Variants in RPS6KA5 observed in about 807,000 individuals in gnomAD.
RPS6KA5 encodes the protein ribosomal protein S6 kinase alpha-5.
RPS6KA5 carries 27 observed loss-of-function variants against 85.5 expected under a neutral mutation model. That is an observed-to-expected ratio of 0.32 (90% CI 0.23 to 0.44). RPS6KA5 has a LOEUF of 0.44. Among genes scored for constraint, RPS6KA5 ranks in the 20% least tolerant of loss-of-function variants. RPS6KA5 has a pLI of 1.00. For synonymous variants in RPS6KA5, 334 were observed against 348.2 expected (o/e 0.96, Z 0.46); for missense variants, 811 against 980.9 (o/e 0.83, Z 2.31).
At chr14:90,907,348 T>C (rs889498546) in intron 7 of RPS6KA5, among the ~76,000 whole-genome samples, 10 of 152,206 alleles carry the variant, frequency 6.6e-5, no homozygotes, top group Non-Finnish European at 1.0e-4. Context: ...TTGTGTGACC[T>C]TGAGATACCT....
At chr14:90,990,341 C>A (rs2040249962) in intron 2 of RPS6KA5, among the ~76,000 whole-genome samples, 1 of 152,114 alleles carries the variant, frequency 6.6e-6, no homozygotes. Flanking sequence ...CCATCTCACA[C>A]CAGTCAGAAG....
chr14:90,943,268 TTTA>T (rs1451716396), intron 4 of RPS6KA5, 83 bp from the exon 5 acceptor site: 39 of 707,418 alleles, frequency 5.5e-5, no homozygotes, highest in African/African-American at 1.9e-4. Context: ...CCTTTATTTA[TTTA>T]TTTTTTTTTT....
intron 3 of RPS6KA5, among the ~76,000 whole-genome samples, chr14:90,962,866 C>T (rs527704907): frequency 2.6e-5 from 4 of 152,286 alleles, no homozygotes; most frequent in East Asian, 1.9e-4. Flanking sequence ...TTGGAGATAT[C>T]GTGCTCCTCT....
intron 6 of RPS6KA5, 44 bp downstream of exon 6, chr14:90,923,069 C>A: frequency 7.2e-7 from 1 of 1,395,490 alleles, no homozygotes; most frequent in East Asian, 2.3e-5. Context: ...TCTTATAGTA[C>A]ATTTTATAGA....
At chr14:90,956,313 T>A (rs1420188796) in intron 3 of RPS6KA5, among the ~76,000 whole-genome samples, 1 of 152,180 alleles carries the variant, frequency 6.6e-6, no homozygotes, top group East Asian at 1.9e-4. Flanking sequence ...CATTTAAAAA[T>A]ATCTGTTTTG....
chr14:90,951,777 G>A (rs2038202881), intron 3 of RPS6KA5, among the ~76,000 whole-genome samples: 1 of 151,998 alleles, frequency 6.6e-6, no homozygotes, highest in Admixed American at 6.6e-5. Context: ...GAAGATAAGG[G>A]CATTACCCCC....
intron 1 of RPS6KA5, among the ~76,000 whole-genome samples, chr14:91,057,898 A>G (rs1355277307): frequency 1.3e-5 from 2 of 152,258 alleles, no homozygotes; most frequent in Non-Finnish European, 2.9e-5. Flanking sequence ...ATGTCTACAT[A>G]TTAAGCTGCA....
chr14:90,994,335 G>GC (rs1566839367), intron 2 of RPS6KA5, among the ~76,000 whole-genome samples: 1 of 146,716 alleles, frequency 6.8e-6, no homozygotes, highest in East Asian at 2.0e-4. Context: ...ACTTTGAATT[G>GC]TTTTTTTTTC....
At chr14:90,952,929 C>A (rs1384801498) in intron 3 of RPS6KA5, among the ~76,000 whole-genome samples, 1 of 152,208 alleles carries the variant, frequency 6.6e-6, no homozygotes, top group Non-Finnish European at 1.5e-5. Flanking sequence ...AACCCCACGA[C>A]TTGGATTAAG....
At chr14:91,023,230 G>C (rs1022698937) in intron 1 of RPS6KA5, among the ~76,000 whole-genome samples, 4 of 151,918 alleles carry the variant, frequency 2.6e-5, no homozygotes, top group Admixed American at 1.3e-4. Flanking sequence ...TCATTGTCTA[G>C]TAGATCCTCA....
At chr14:90,904,196 A>G (rs562642952) in intron 8 of RPS6KA5, among the ~76,000 whole-genome samples, 189 of 152,288 alleles carry the variant, frequency 1.2e-3, no homozygotes, top group East Asian at 4.2e-3. Flanking sequence ...TGATCCGCCC[A>G]CCTTGGCCTC....
chr14:91,058,182 A>T (rs1004817146), intron 1 of RPS6KA5, among the ~76,000 whole-genome samples: 1 of 152,162 alleles, frequency 6.6e-6, no homozygotes, highest in African/African-American at 2.4e-5. Context: ...AGTGTTTTTG[A>T]CCACTATATC....
intron 1 of RPS6KA5, among the ~76,000 whole-genome samples, chr14:91,034,404 C>G (rs867795205): frequency 6.6e-6 from 1 of 151,822 alleles, no homozygotes; most frequent in Non-Finnish European, 1.5e-5. Flanking sequence ...CTTCCTGGGT[C>G]GAGTGGGGTC....
chr14:90,850,179 C>T lies in RPS6KA5; in HGVS notation c.*21895G>A, dbSNP rs1182314432. On this transcript the variant is annotated 3_prime_UTR_variant, in exon 17 of 17. Transcript: ENST00000614987. ...TCCTCTGGGATCCCGTCAGCTTCTCCTTCCCCAGAGGTCCTGACATTGCTT... is the reference window on the plus strand; with the variant it reads ...TCCTCTGGGATCCCGTCAGCTTCTCTTTCCCCAGAGGTCCTGACATTGCTT... 1 of 152,202 alleles carries T rather than the reference C, an allele frequency of 6.6e-6. No homozygotes were observed. The highest frequency in any genetic ancestry group is 1.5e-5 in the Non-Finnish European group (1 of 68,040). 9.4% of individuals were successfully genotyped at this position (152,202 alleles called of 1,614,324 possible).
chr14:90,879,833 A>G (rs2033719510), intron 14 of RPS6KA5, among the ~76,000 whole-genome samples: 1 of 142,544 alleles, frequency 7.0e-6, no homozygotes, highest in South Asian at 2.2e-4. Context: ...CCCAGGCTAG[A>G]CTGCAGTGGC....
At chr14:90,994,561 ATTTT>A (rs935828871) in intron 2 of RPS6KA5, among the ~76,000 whole-genome samples, 4 of 61,940 alleles carry the variant, frequency 6.5e-5, no homozygotes, top group Non-Finnish European at 9.8e-5. Flanking sequence ...GATGTTTGTG[ATTTT>A]TTTTTTTTTT....
chr14:90,987,198 T>A (rs1001193629), intron 2 of RPS6KA5, among the ~76,000 whole-genome samples: 1 of 152,234 alleles, frequency 6.6e-6, no homozygotes, highest in African/African-American at 2.4e-5. Context: ...ATTTTTTGAA[T>A]GACAATTTTG....
chr14:90,892,345 C>T (rs911046989), intron 13 of RPS6KA5, among the ~76,000 whole-genome samples: 1 of 152,132 alleles, frequency 6.6e-6, no homozygotes, highest in African/African-American at 2.4e-5. Context: ...ATGTGGCAAT[C>T]ACTTTAATTT....
chr14:90,858,510 A>G lies in RPS6KA5; in HGVS notation c.*13564T>C, dbSNP rs1438788948. 1 of 152,230 alleles carries G rather than the reference A, an allele frequency of 6.6e-6. No homozygotes were observed. The highest frequency in any genetic ancestry group is 1.5e-5 in the Non-Finnish European group (1 of 68,044). 9.4% of individuals were successfully genotyped at this position (152,230 alleles called of 1,614,324 possible). On this transcript the variant is annotated 3_prime_UTR_variant, in exon 17 of 17. Transcript: ENST00000614987. ...AACGATGTCCTTTTTTTCTGAAGTC[A>G]ATATACTAGAGCTAAACGAAAGTAA...
Sources: allele counts gnomAD v4.1 joint callset (sites outside exome capture counted in the v4.1 genomes callset), GRCh38; gene constraint gnomAD v4.1.1; transcripts MANE v1.5; gene names NCBI Gene and HGNC (gene_info 2026-07-23, HGNC 2026-07-21).